SERAC1: variants seen among roughly 807,000 people sequenced by gnomAD.
SERAC1 encodes the protein protein SERAC1.
A neutral mutation model predicts 85.7 loss-of-function variants in SERAC1; 36 were observed. The ratio of observed to expected loss-of-function variants is 0.42; its 90% CI spans 0.32 to 0.55. The LOEUF (loss-of-function observed/expected upper bound fraction) is 0.55. Among genes scored for constraint, SERAC1 ranks in the 20% least tolerant of loss-of-function variants. The probability of loss-of-function intolerance (pLI) is 0.11; values close to 1 mark genes in which losing one functional copy is unlikely to be tolerated. For synonymous variants in SERAC1, 242 were observed against 265.3 expected (o/e 0.91, Z 0.85); for missense variants, 629 against 796.2 (o/e 0.79, Z 2.53).
Position 158,117,219 on chromosome 6 carries a change from A to G in SERAC1, c.1403+508T>C. ...ATCTGTAGACAAAGCTTCCCGGAAA[A>G]GTTAACTGACTGGTCTAAGACTGCA... On this transcript the variant is annotated intron_variant, in intron 13 of 16. Coordinates refer to ENST00000647468, the MANE Select transcript of SERAC1 (RefSeq NM_032861.4). This position sits in a 1 kb window ranked among gnomAD's most constrained non-coding sequence, Gnocchi z 4.3. 3.3e-6 allele frequency: 1 copy of G among 300,666 alleles called. No individual in the cohort carries two copies. The allele number at this position is 300,666 out of a possible 1,614,324, so 18.6% of individuals were successfully genotyped here.
rs189288350 is a variant in SERAC1 at position 158,117,999 on chromosome 6, C to T, written c.1309-178G>A. 5.0e-3 allele frequency among the ~76,000 whole-genome samples: 756 copies of T among 152,268 alleles called. 6 individuals carry two copies. Among genetic ancestry groups the T allele is most frequent in the South Asian group, 0.013 (63 of 4,822 alleles). ...CACTATCTTTTCAAGTCTCTGGTCT[C>T]GAAGTGGTACCAGTATTTATAGCAT... is the stretch of plus-strand genomic sequence containing the variant. On this transcript the variant is annotated intron_variant, in intron 12 of 16. Transcript: ENST00000647468. The surrounding 1 kb of genome is among the most constrained non-coding windows in gnomAD (Gnocchi z 4.3).
chr6:158,117,487 C>G lies in SERAC1; in HGVS notation c.1403+240G>C. 6.5e-7 allele frequency: 1 copy of G among 1,544,878 alleles called. No homozygotes were observed. The highest frequency in any genetic ancestry group is 8.7e-7 in the Non-Finnish European group (1 of 1,143,260). On this transcript the variant is annotated intron_variant, in intron 13 of 16. Transcript: ENST00000647468. This position sits in a 1 kb window ranked among gnomAD's most constrained non-coding sequence, Gnocchi z 4.3. ...AATCCACGATCCTTCACTATTAGAA[C>G]AGTTGTAAATAAACCATGTTAGGAG... is the stretch of plus-strand genomic sequence containing the variant.
At chr6:158,157,318 G>T (rs543675506) in intron 2 of SERAC1, among the ~76,000 whole-genome samples, 16 of 152,100 alleles carry the variant, frequency 1.1e-4, no homozygotes, top group African/African-American at 3.6e-4. Flanking sequence ...TTTATTGCAC[G>T]TATTGAGACA....
chr6:158,143,634 C>CT (rs981866366), intron 7 of SERAC1, among the ~76,000 whole-genome samples: 6 of 151,888 alleles, frequency 4.0e-5, no homozygotes, highest in Non-Finnish European at 7.4e-5. Flanking sequence ...AAAGCTACTG[C>CT]TTTTTAAATC....
In SERAC1 at chr6:158,111,307, A is replaced by C. The variant is rs1784138125; in HGVS notation, c.*59T>G. ...TGATTGCATAGAGCTTAAAAGAAGA[A>C]ACAGAACACCAAGTTTCTTGCACTG... On this transcript the variant is annotated 3_prime_UTR_variant, in exon 17 of 17. Transcript: ENST00000647468. 6.8e-7 allele frequency: 1 copy of C among 1,480,386 alleles called. No individual in the cohort carries two copies. Among genetic ancestry groups the C allele is most frequent in the East Asian group, 2.3e-5 (1 of 43,798 alleles). The allele number at this position is 1,480,386 out of a possible 1,614,324, so 91.7% of individuals were successfully genotyped here. A position where few individuals can be genotyped will look rare whatever the true frequency, so the allele number is the denominator to read the frequency against.
intron 1 of SERAC1, among the ~76,000 whole-genome samples, chr6:158,164,099 C>T (rs1462997435): frequency 6.6e-6 from 1 of 152,058 alleles, no homozygotes; most frequent in Non-Finnish European, 1.5e-5. Flanking sequence ...TGTGTCCTTC[C>T]TTTTCAAGAC....
intron 8 of SERAC1, among the ~76,000 whole-genome samples, chr6:158,135,330 G>A (rs751050030): frequency 5.3e-5 from 8 of 152,092 alleles, no homozygotes; most frequent in Non-Finnish European, 7.3e-5. Context: ...TCAGGAGTTC[G>A]AGACCAGCCT....
rs1344207979 is a variant in SERAC1, at chr6:158,110,454, A to G, written c.*912T>C. ...GGGTGAATCTTATGGTATGTAAATT[A>G]TATCTCAATAATGCTGTTACTCTAA... On this transcript the variant is annotated 3_prime_UTR_variant, in exon 17 of 17. Coordinates refer to ENST00000647468, the MANE Select transcript of SERAC1 (RefSeq NM_032861.4). 6.6e-6 allele frequency: 1 copy of G among 152,226 alleles called. No individual in the cohort carries two copies. The highest frequency in any genetic ancestry group is 6.5e-5 in the Admixed American group (1 of 15,280). The allele number at this position is 152,226 out of a possible 1,614,324, so 9.4% of individuals were successfully genotyped here.
rs575275386 is a variant in SERAC1 at position 158,115,354 on chromosome 6, G to GT, written c.1502-384dup. Among the ~76,000 whole-genome samples the GT allele has an allele frequency of 1.6e-4, 24 of 152,358 alleles. 1 individual carries two copies. The East Asian group carries it at 2.5e-3, about 16-fold the overall frequency. On this transcript the variant is annotated intron_variant, in intron 14 of 16. Coordinates refer to ENST00000647468, the MANE Select transcript of SERAC1 (RefSeq NM_032861.4). ...CGCTGATGACCACACTGTCAGGACA[G>GT]TGCTACTATTCCACAGCACACAGTC...
At chr6:158,153,354 T>C (rs759846352) in intron 3 of SERAC1, among the ~76,000 whole-genome samples, 5 of 152,096 alleles carry the variant, frequency 3.3e-5, no homozygotes, top group Non-Finnish European at 7.4e-5. Context: ...ACTTATTCAC[T>C]CTCCCATAGA....
In SERAC1 at chr6:158,114,411, A is replaced by AAAAT. The variant is rs1784225247; in HGVS notation, c.1684+374_1684+377dup. ...ACTGCTTATCAAACCAGAGTACTTT[A>AAAAT]AAATTAATACTAACAATCTCAAAGT... On this transcript the variant is annotated intron_variant, in intron 15 of 16. Transcript: ENST00000647468. 4 of 877,954 alleles carry AAAAT rather than the reference A, an allele frequency of 4.6e-6. No individual in the cohort carries two copies. The South Asian group carries it at 2.0e-4, about 44-fold the overall frequency. 54.4% of individuals were successfully genotyped at this position (877,954 alleles called of 1,614,324 possible). A position where few individuals can be genotyped will look rare whatever the true frequency, so the allele number is the denominator to read the frequency against.
rs746280358 is a variant in SERAC1, at chr6:158,120,397, A to G, written c.1166+28T>C. On this transcript the variant is annotated intron_variant, in intron 11 of 16. Transcript: ENST00000647468. This position sits in a 1 kb window ranked among gnomAD's most constrained non-coding sequence, Gnocchi z 4.4. ...TCTAGGCTTCACATTTCCAAAGGGGACAAAGCAACTCTCTTCTGCTTCCTT... is the reference window on the plus strand; with the variant it reads ...TCTAGGCTTCACATTTCCAAAGGGGGCAAAGCAACTCTCTTCTGCTTCCTT... 4 of 1,595,340 alleles carry G rather than the reference A, an allele frequency of 2.5e-6. No homozygotes were observed. The highest frequency in any genetic ancestry group is 4.5e-5 in the East Asian group (2 of 44,348).
chr6:158,139,274 A>C (rs1351146618), intron 8 of SERAC1, among the ~76,000 whole-genome samples: 1 of 152,224 alleles, frequency 6.6e-6, no homozygotes, highest in Non-Finnish European at 1.5e-5. Flanking sequence ...AACCCACAGA[A>C]TGGGAGAAAT....
chr6:158,130,590 C>T (rs1180659808), intron 8 of SERAC1, 104 bp from the exon 9 acceptor site: 1 of 671,582 alleles, frequency 1.5e-6, no homozygotes, highest in East Asian at 3.0e-5. Context: ...TTAGAAAATA[C>T]TAATGTGTAG....
chr6:158,134,961 C>T (rs892700995), intron 8 of SERAC1, among the ~76,000 whole-genome samples: 3 of 152,258 alleles, frequency 2.0e-5, no homozygotes, highest in South Asian at 4.1e-4. Flanking sequence ...GCTGGCATCA[C>T]GTGCTTCTGG....
Position 158,146,836 on chromosome 6 carries a change from T to C in SERAC1, c.433A>G (p.Lys145Glu). Residue 145 changes from lysine (K) to glutamate (E), a missense_variant, in exon 6 of 17, where the codon AAA becomes GAA. Transcript: ENST00000647468. ...LLLRKSKSDD[K>E]TTRLEAVREM... The stretch of plus-strand genomic sequence containing the variant: ...CGCACAGCCTCGAGTCGCGTGGTTT[T>C]GTCATCTGACTTGCTCTTCCGTAGG... 1.2e-6 allele frequency: 2 copies of C among 1,614,124 alleles called. No individual in the cohort carries two copies. The highest frequency in any genetic ancestry group is 1.7e-6 in the Non-Finnish European group (2 of 1,179,980).
chr6:158,111,375 A>G lies in SERAC1; in HGVS notation c.1956T>C (p.Leu652=). 6.3e-7 allele frequency: 1 copy of G among 1,585,854 alleles called. No homozygotes were observed. ...QFIREALAKD[L]EN ...TGGAAGAGCACAACTGTTAGTTTTC[A>G]AGGTCTTTGGCTAAAGCTTCACGAA... Residue 652 remains leucine, a synonymous_variant, in exon 17 of 17, where the codon CTT becomes CTC. Coordinates refer to ENST00000647468, the MANE Select transcript of SERAC1 (RefSeq NM_032861.4).
At chr6:158,154,555 G>A (rs765486373) in intron 3 of SERAC1, among the ~76,000 whole-genome samples, 1 of 152,030 alleles carries the variant, frequency 6.6e-6, no homozygotes, top group Non-Finnish European at 1.5e-5. Context: ...AATACAGTAC[G>A]ATAGTATTAC....
At chr6:158,151,866 C>A (rs1318215427) in intron 3 of SERAC1, among the ~76,000 whole-genome samples, 3 of 150,402 alleles carry the variant, frequency 2.0e-5, no homozygotes, top group Non-Finnish European at 4.4e-5. Flanking sequence ...AATTTAAGTT[C>A]ATAAGTTAAA....
Sources: gnomAD v4.1 joint callset for allele counts (sites outside exome capture counted in the v4.1 genomes callset) on GRCh38, gnomAD v4.1.1 for gene constraint, Gnocchi (gnomAD v3.1) non-coding constraint, MANE v1.5 for transcripts, NCBI Gene and HGNC (gene_info 2026-07-23, HGNC 2026-07-21) for gene names.